The following TRAPPC10 variants were observed in gnomAD, a reference collection of about 807,000 sequenced individuals.
TRAPPC10 encodes TRAPP 130 kDa subunit.
Under a neutral mutation model 125.5 loss-of-function variants are expected in TRAPPC10, and 23 were observed. The ratio of observed to expected loss-of-function variants is 0.18; its 90% CI spans 0.13 to 0.26. The LOEUF (loss-of-function observed/expected upper bound fraction) is 0.26. Ranked by LOEUF, TRAPPC10 falls within the 10% of genes least tolerant of loss-of-function variation. TRAPPC10 has a pLI of 1.00. For synonymous variants in TRAPPC10, 509 were observed against 518.0 expected, an observed-to-expected ratio of 0.98 and a Z score of 0.24; for missense variants, 1,123 against 1,308.4, an observed-to-expected ratio of 0.86 and a Z score of 2.19.
chr21:44,018,606 G>A (rs2032136862), intron 1 of TRAPPC10, among the ~76,000 whole-genome samples: 3 of 151,932 alleles, frequency 2.0e-5, no homozygotes, highest in African/African-American at 7.3e-5. Context: ...GGTTGAGGCA[G>A]GAGAATTGCT....
At chr21:44,052,553 A>G in intron 4 of TRAPPC10, 77 bp downstream of exon 4, 1 of 1,363,138 alleles carries the variant, frequency 7.3e-7, no homozygotes, top group Non-Finnish European at 1.0e-6. Context: ...GGGTAGTAAT[A>G]AATATTTACT....
At position 44,084,075 on chromosome 21, in the gene TRAPPC10, G is replaced by T. The variant is rs748853425; in HGVS notation, c.2239-47G>T. On this transcript the variant is annotated intron_variant, in intron 14 of 22. Transcript: ENST00000291574. Reference sequence around the variant, plus strand: ...ACCGCGCTACCGCAGGAAGCTAACTGCAAAACTGGGTGACGTGGTTTCAAA... The same window carrying T: ...ACCGCGCTACCGCAGGAAGCTAACTTCAAAACTGGGTGACGTGGTTTCAAA... 3.7e-6 allele frequency: 6 copies of T among 1,609,878 alleles called. No homozygotes were observed. In the South Asian group the frequency reaches 6.6e-5, roughly 18 times the overall value.
At chr21:44,075,555 G>T (rs1388464471) in intron 9 of TRAPPC10, among the ~76,000 whole-genome samples, 1 of 151,584 alleles carries the variant, frequency 6.6e-6, no homozygotes, top group Non-Finnish European at 1.5e-5. Context: ...GCACAATCTT[G>T]GCTCACTGCA....
At chr21:44,031,587 C>T (rs915391083) in intron 1 of TRAPPC10, among the ~76,000 whole-genome samples, 1 of 152,174 alleles carries the variant, frequency 6.6e-6, no homozygotes, top group Admixed American at 6.5e-5. Context: ...ATGGGGAAGA[C>T]AGAATGAGAG....
At chr21:44,077,849 T>C in intron 11 of TRAPPC10, 65 bp downstream of exon 11, 1 of 1,277,114 alleles carries the variant, frequency 7.8e-7, no homozygotes, top group Non-Finnish European at 1.1e-6. Context: ...ATTTGTTATA[T>C]ATGGAGTTAG....
At chr21:44,062,042 G>T (rs79375011) in intron 6 of TRAPPC10, among the ~76,000 whole-genome samples, 2,706 of 152,336 alleles carry the variant, frequency 0.018, 79 homozygotes, top group African/African-American at 0.059. Flanking sequence ...GCTGGGCAGC[G>T]TCAGGGACCA....
intron 12 of TRAPPC10, 56 bp from the exon 13 acceptor site, chr21:44,079,959 T>G: frequency 6.7e-7 from 1 of 1,487,488 alleles, no homozygotes; most frequent in South Asian, 1.2e-5. Flanking sequence ...TTGCATCCAC[T>G]TCCCCCCGCA....
chr21:44,074,962 A>G (rs1416135609), intron 8 of TRAPPC10, 77 bp from the exon 9 acceptor site: 1 of 1,113,464 alleles, frequency 9.0e-7, no homozygotes, highest in African/African-American at 1.6e-5. Context: ...CTGGATTTGA[A>G]TTTTTATATT....
intron 7 of TRAPPC10, among the ~76,000 whole-genome samples, chr21:44,071,853 C>T (rs905899380): frequency 2.0e-5 from 3 of 152,066 alleles, no homozygotes; most frequent in Non-Finnish European, 2.9e-5. Flanking sequence ...GGTGTGAGTT[C>T]CAGAGGGAGG....
rs554482611 is a variant in TRAPPC10, at chr21:44,092,459, G to C, written c.2997+410G>C. On this transcript the variant is annotated intron_variant, in intron 19 of 22. Coordinates refer to ENST00000291574, the MANE Select transcript of TRAPPC10 (RefSeq NM_003274.5). ...ATGCTTGTGCCTGCATCTGGACCTT[G>C]CTTTTTCTGTTTATGGCTCGCTGCC... 3.3e-5 allele frequency among the ~76,000 whole-genome samples: 5 copies of C among 152,314 alleles called. No individual in the cohort carries two copies. In the South Asian group the frequency reaches 1.0e-3, roughly 32 times the overall value.
At chr21:44,093,919 A>T in intron 19 of TRAPPC10, 144 bp from the exon 20 acceptor site, 1 of 761,814 alleles carries the variant, frequency 1.3e-6, no homozygotes, top group Non-Finnish European at 2.1e-6. Context: ...GGCCTAAAGC[A>T]GCATGCATAG....
chr21:44,068,053 G>C (rs1601733603), intron 7 of TRAPPC10, among the ~76,000 whole-genome samples: 2 of 151,432 alleles, frequency 1.3e-5, no homozygotes, highest in South Asian at 4.2e-4. Flanking sequence ...CTGGGAGGCA[G>C]AGGTTGCAGT....
rs769117903 is a variant in TRAPPC10 at position 44,087,886 on chromosome 21, C to A, written c.2727C>A (p.Asp909Glu). The A allele has an allele frequency of 6.8e-6, 11 of 1,614,030 alleles. No homozygotes were observed. In the South Asian group the frequency reaches 9.9e-5, roughly 14 times the overall value. Residue 909 changes from aspartate (D) to glutamate (E), a missense_variant, in exon 17 of 23, where the codon GAC becomes GAA. Around this residue, in one of 4 missense-constraint regions of TRAPPC10, gnomAD observed 840 missense variants for 902.0 expected, o/e 0.93. Transcript: ENST00000291574. The surrounding 1 kb of genome is among the most constrained non-coding windows in gnomAD (Gnocchi z 4.6). Reference protein sequence around the residue: ...GMAEPHRKHKDKQRTGRCMVT... With the variant: ...GMAEPHRKHKEKQRTGRCMVT... ...CAGAGCCCCACAGGAAGCATAAGGA[C>A]AAACAGAGAACTGGCCGCTGCATGG...
chr21:44,044,785 T>TC (rs2145778562), intron 3 of TRAPPC10, among the ~76,000 whole-genome samples: 1 of 148,930 alleles, frequency 6.7e-6, no homozygotes, highest in East Asian at 2.1e-4. Flanking sequence ...TGCCTCAGCC[T>TC]CTGAAGTAGC....
At chr21:44,083,382 CT>C in intron 14 of TRAPPC10, 80 bp downstream of exon 14, 9 of 1,489,688 alleles carry the variant, frequency 6.0e-6, no homozygotes, top group Non-Finnish European at 8.1e-6. Flanking sequence ...CTGGAGTGTG[CT>C]GTGAATTGAG....
chr21:44,015,379 T>G (rs1429784527), intron 1 of TRAPPC10, among the ~76,000 whole-genome samples: 1 of 152,078 alleles, frequency 6.6e-6, no homozygotes, highest in Admixed American at 6.6e-5. Context: ...TAGAATAGAT[T>G]ATTACTTTAA....
rs182863527 is a variant in TRAPPC10 at position 44,073,625 on chromosome 21, G to A, written c.1039-699G>A. On this transcript the variant is annotated intron_variant, in intron 7 of 22. Coordinates refer to ENST00000291574, the MANE Select transcript of TRAPPC10 (RefSeq NM_003274.5). The stretch of plus-strand genomic sequence containing the variant: ...ACCCATGAACAGTTACAGTAGGCGC[G>A]GTACCTGGCCAGCCTCTACTTCATC... Among the ~76,000 whole-genome samples, 489 of 152,172 alleles carry A rather than the reference G, an allele frequency of 3.2e-3. 2 individuals carry two copies. The highest frequency in any genetic ancestry group is 0.011 in the African/African-American group (455 of 41,500).
chr21:44,025,960 A>G (rs1465599376), intron 1 of TRAPPC10, among the ~76,000 whole-genome samples: 1 of 151,794 alleles, frequency 6.6e-6, no homozygotes, highest in African/African-American at 2.4e-5. Context: ...CGGCGATGAC[A>G]TGGCAGGGGG....
At chr21:44,077,168 T>A (rs1049300695) in intron 10 of TRAPPC10, among the ~76,000 whole-genome samples, 3 of 152,222 alleles carry the variant, frequency 2.0e-5, no homozygotes, top group Non-Finnish European at 4.4e-5. Context: ...ATGTTTTGGA[T>A]GAGTTTGTGG....
Sources: gnomAD v4.1 joint callset for allele counts (sites outside exome capture counted in the v4.1 genomes callset) on GRCh38, gnomAD v4.1.1 for gene constraint, gnomAD v4.1.1 regional missense constraint, Gnocchi (gnomAD v3.1) non-coding constraint, MANE v1.5 for transcripts, NCBI Gene and HGNC (gene_info 2026-07-23, HGNC 2026-07-21) for gene names.